Variants in PLEKHA7 observed in about 807,000 individuals in gnomAD.
PLEKHA7 encodes the protein pleckstrin homology domain-containing family A member 7.
In PLEKHA7, 104 loss-of-function variants were observed where a neutral mutation model predicts 170.0. That is an observed-to-expected ratio of 0.61 (90% CI 0.52 to 0.72). PLEKHA7 has a LOEUF of 0.72. PLEKHA7 is among the 30% of genes least tolerant of loss of function. The probability of loss-of-function intolerance (pLI) is 0.00; values close to 1 mark genes in which losing one functional copy is unlikely to be tolerated. For synonymous variants in PLEKHA7, 648 were observed against 660.8 expected (o/e 0.98, Z 0.30); for missense variants, 1,615 against 1,671.7 (o/e 0.97, Z 0.59).
intron 23 of PLEKHA7, chr11:16,787,348 C>A: frequency 4.4e-6 from 2 of 456,632 alleles, no homozygotes; most frequent in South Asian, 1.9e-4. Flanking sequence ...TCAAGTCCCT[C>A]CAGAACCCCA....
Position 16,829,745 on chromosome 11 carries a change from A to G in PLEKHA7, c.873-3155T>C, listed in dbSNP as rs551003649. On this transcript the variant is annotated intron_variant, in intron 9 of 26. Coordinates refer to ENST00000531066, the MANE Select transcript of PLEKHA7 (RefSeq NM_001329630.2). ...AGCTGAGATTGCACCACTGTGCTCCAGCCTGGGCAACAGAGCAAGACTCCG... is the reference window on the plus strand; with the variant it reads ...AGCTGAGATTGCACCACTGTGCTCCGGCCTGGGCAACAGAGCAAGACTCCG... Among the ~76,000 whole-genome samples the G allele has an allele frequency of 4.6e-5, 7 of 152,360 alleles. No individual in the cohort carries two copies. In the East Asian group the frequency reaches 1.4e-3, roughly 29 times the overall value.
intron 3 of PLEKHA7, among the ~76,000 whole-genome samples, chr11:17,003,801 C>A (rs1394207985): frequency 6.6e-6 from 1 of 152,212 alleles, no homozygotes; most frequent in African/African-American, 2.4e-5. Flanking sequence ...TCAACAAAAA[C>A]CAACCCTGCT....
chr11:16,944,033 G>A (rs1860860088), intron 3 of PLEKHA7, among the ~76,000 whole-genome samples: 1 of 152,132 alleles, frequency 6.6e-6, no homozygotes, highest in Non-Finnish European at 1.5e-5. Context: ...TGTCTCTTTG[G>A]GAATGACTGT....
intron 12 of PLEKHA7, among the ~76,000 whole-genome samples, chr11:16,814,430 C>T (rs533115944): frequency 1.3e-5 from 2 of 152,172 alleles, no homozygotes; most frequent in African/African-American, 2.4e-5. Context: ...CCTGGAGGAC[C>T]AGCCTCGTTG....
chr11:17,011,452 C>G (rs1299994503), intron 3 of PLEKHA7, among the ~76,000 whole-genome samples: 1 of 152,200 alleles, frequency 6.6e-6, no homozygotes, highest in Admixed American at 6.5e-5. Flanking sequence ...CGGCTAATGT[C>G]TCAACTCCAC....
chr11:16,908,476 C>T (rs1412034641), intron 3 of PLEKHA7, among the ~76,000 whole-genome samples: 1 of 150,492 alleles, frequency 6.6e-6, no homozygotes, highest in East Asian at 1.9e-4. Flanking sequence ...TTCGAGCTCC[C>T]AGACTGAGAA....
At chr11:16,845,586 C>T (rs953699763) in intron 8 of PLEKHA7, among the ~76,000 whole-genome samples, 15 of 152,220 alleles carry the variant, frequency 9.9e-5, no homozygotes, top group Admixed American at 9.2e-4. Context: ...AGGCTGGTCT[C>T]GAACTCCTGG....
chr11:16,871,294 G>T, intron 3 of PLEKHA7, 112 bp from the exon 4 acceptor site: 1 of 761,172 alleles, frequency 1.3e-6, no homozygotes, highest in Non-Finnish European at 2.3e-6. Context: ...TTTCACAGGG[G>T]GAGAAATGTG....
rs903331211 is a variant in PLEKHA7, at chr11:16,802,847, A to T, written c.2157+125T>A. ...AGGCATGAGCCACCGCACCTGGTGC[A>T]TTTTTTTTTAAATAAGCTAACATCT... On this transcript the variant is annotated intron_variant, in intron 15 of 26. Transcript: ENST00000531066. The T allele has an allele frequency of 9.2e-6, 8 of 864,972 alleles. No individual in the cohort carries two copies. The African/African-American group carries it at 1.0e-4, about 11-fold the overall frequency. The allele number at this position is 864,972 out of a possible 1,614,324, so 53.6% of individuals were successfully genotyped here. A position where few individuals can be genotyped will look rare whatever the true frequency, so the allele number is the denominator to read the frequency against.
At chr11:16,825,991 G>A (rs1189350684) in intron 10 of PLEKHA7, 129 bp downstream of exon 10, 3 of 958,974 alleles carry the variant, frequency 3.1e-6, no homozygotes, top group Non-Finnish European at 3.2e-6. Context: ...GTTGTTACAG[G>A]GATTTACGTA....
rs898725620 is a variant in PLEKHA7, at chr11:16,817,752, T to C, written c.1344-430A>G. 6.6e-6 allele frequency among the ~76,000 whole-genome samples: 1 copy of C among 152,216 alleles called. No homozygotes were observed. Among genetic ancestry groups the C allele is most frequent in the African/African-American group, 2.4e-5 (1 of 41,462 alleles). On this transcript the variant is annotated intron_variant, in intron 10 of 26. Coordinates refer to ENST00000531066, the MANE Select transcript of PLEKHA7 (RefSeq NM_001329630.2). This position sits in a 1 kb window ranked among gnomAD's most constrained non-coding sequence, Gnocchi z 4.4. Reference sequence around the variant, plus strand: ...TAAAGGAAGTGGTTGGCATCAGTTCTCTTTTTTCTGGACTCTTCTAGTCCA... The same window carrying C: ...TAAAGGAAGTGGTTGGCATCAGTTCCCTTTTTTCTGGACTCTTCTAGTCCA...
At chr11:16,855,559 G>A (rs867652423) in intron 5 of PLEKHA7, 103 of 476,824 alleles carry the variant, frequency 2.2e-4, no homozygotes, top group African/African-American at 1.7e-3. Flanking sequence ...ACCATGCGAG[G>A]AAAGTGAAGA....
intron 3 of PLEKHA7, among the ~76,000 whole-genome samples, chr11:16,994,602 G>A (rs1366936964): frequency 6.6e-6 from 1 of 152,048 alleles, no homozygotes; most frequent in African/African-American, 2.4e-5. Flanking sequence ...GCCCTGCTGG[G>A]ACCCCTCCCT....
At chr11:16,916,093 T>G (rs1431165142) in intron 3 of PLEKHA7, among the ~76,000 whole-genome samples, 4 of 152,094 alleles carry the variant, frequency 2.6e-5, no homozygotes, top group African/African-American at 2.4e-5. Flanking sequence ...TGGTTTTGAT[T>G]TGCATTTCTC....
intron 26 of PLEKHA7, chr11:16,781,118 G>A (rs761716979): frequency 5.6e-5 from 37 of 660,850 alleles, no homozygotes; most frequent in Non-Finnish European, 6.6e-5. Context: ...AGCACCAGAT[G>A]CCCCATTTGG....
chr11:16,936,386 C>T (rs189555498), intron 3 of PLEKHA7, among the ~76,000 whole-genome samples: 3 of 103,598 alleles, frequency 2.9e-5, no homozygotes, highest in African/African-American at 1.2e-4. Context: ...TGGGAAATAG[C>T]GTGAGACTCT....
chr11:17,006,069 A>G (rs1039627006), intron 3 of PLEKHA7, among the ~76,000 whole-genome samples: 7 of 152,182 alleles, frequency 4.6e-5, no homozygotes, highest in African/African-American at 1.4e-4. Context: ...CAACATCTCA[A>G]TAAGAAGGAT....
At chr11:16,968,920 A>C (rs574593146) in intron 3 of PLEKHA7, among the ~76,000 whole-genome samples, 1 of 152,168 alleles carries the variant, frequency 6.6e-6, no homozygotes, top group Non-Finnish European at 1.5e-5. Flanking sequence ...CTATGCCAAG[A>C]AGTTCTTAAT....
chr11:16,864,878 G>T (rs989911509), intron 4 of PLEKHA7, among the ~76,000 whole-genome samples: 3 of 152,076 alleles, frequency 2.0e-5, no homozygotes, highest in Non-Finnish European at 4.4e-5. Flanking sequence ...TTATGGACTG[G>T]GTTGAAATTT....
Sources: gnomAD v4.1 joint callset for allele counts (sites outside exome capture counted in the v4.1 genomes callset) on GRCh38, gnomAD v4.1.1 for gene constraint, Gnocchi (gnomAD v3.1) non-coding constraint, MANE v1.5 for transcripts, NCBI Gene and HGNC (gene_info 2026-07-23, HGNC 2026-07-21) for gene names.